The following SCRN1 variants were observed in gnomAD, a reference collection of about 807,000 sequenced individuals.
SCRN1 encodes secernin-1.
Under a neutral mutation model 43.3 loss-of-function variants are expected in SCRN1, and 19 were observed. The ratio of observed to expected loss-of-function variants is 0.44; its 90% confidence interval spans 0.31 to 0.64. SCRN1 has a LOEUF of 0.64. Ranked by LOEUF, SCRN1 falls within the 30% of genes least tolerant of loss-of-function variation. The pLI, the probability that SCRN1 is intolerant of heterozygous loss-of-function variation, is 0.09. For synonymous variants in SCRN1, 183 were observed against 188.9 expected (o/e 0.97, Z 0.26); for missense variants, 447 against 524.1 (o/e 0.85, Z 1.44).
intron 1 of SCRN1, among the ~76,000 whole-genome samples, chr7:29,971,832 A>T (rs549567988): frequency 6.6e-6 from 1 of 152,154 alleles, no homozygotes; most frequent in East Asian, 1.9e-4. Flanking sequence ...TATCCAATCT[A>T]CTTCAGGTTA....
rs1787522342 is a variant in SCRN1 at position 29,940,889 on chromosome 7, C to G, written c.545-13G>C. On this transcript the variant is annotated splice_polypyrimidine_tract_variant and intron_variant, in intron 4 of 7. Transcript: ENST00000242059. ...CACCTCACTCCCTCTGCAGAGAGTG[C>G]AAAGCCCCATAAGTTAAAAATATAC... The G allele has an allele frequency of 6.7e-7, 1 of 1,485,420 alleles. No homozygotes were observed. The highest frequency in any genetic ancestry group is 1.4e-5 in the South Asian group (1 of 70,830). 92.0% of individuals were successfully genotyped at this position (1,485,420 alleles called of 1,614,324 possible).
chr7:29,981,792 C>A (rs778659098), intron 1 of SCRN1, among the ~76,000 whole-genome samples: 10 of 152,168 alleles, frequency 6.6e-5, no homozygotes, highest in Non-Finnish European at 1.5e-4. Flanking sequence ...AAGAACCTCA[C>A]CTATCACAAA....
intron 3 of SCRN1, among the ~76,000 whole-genome samples, chr7:29,951,583 A>C (rs1787924132): frequency 6.6e-6 from 1 of 152,184 alleles, no homozygotes; most frequent in South Asian, 2.1e-4. Flanking sequence ...GCTACTCATT[A>C]CTTGGAACCA....
intron 4 of SCRN1, among the ~76,000 whole-genome samples, chr7:29,943,047 T>C (rs144392034): frequency 1.3e-5 from 2 of 152,302 alleles, no homozygotes; most frequent in African/African-American, 2.4e-5. Context: ...ACAAGTTTCA[T>C]CCCCAACATC....
intron 1 of SCRN1, among the ~76,000 whole-genome samples, chr7:29,974,545 C>T (rs1233113002): frequency 1.3e-5 from 2 of 152,126 alleles, no homozygotes; most frequent in Non-Finnish European, 2.9e-5. Context: ...ACTCAATTCT[C>T]TTCCTATTAT....
At chr7:29,968,521 G>T (rs1265962407) in intron 2 of SCRN1, among the ~76,000 whole-genome samples, 1 of 152,170 alleles carries the variant, frequency 6.6e-6, no homozygotes, top group Non-Finnish European at 1.5e-5. Flanking sequence ...TGTGTGATTT[G>T]TTACATATAT....
At chr7:29,987,577 G>T (rs902384122) in intron 1 of SCRN1, among the ~76,000 whole-genome samples, 13 of 152,154 alleles carry the variant, frequency 8.5e-5, no homozygotes, top group Admixed American at 2.0e-4. Flanking sequence ...TGGAAAATGT[G>T]AACATGAGGT....
intron 1 of SCRN1, among the ~76,000 whole-genome samples, chr7:29,981,853 G>A (rs941174458): frequency 6.6e-6 from 1 of 152,154 alleles, no homozygotes; most frequent in Non-Finnish European, 1.5e-5. Flanking sequence ...CCACCTATGA[G>A]AGCCTGATAA....
chr7:29,970,002 T>A (rs375362651), intron 1 of SCRN1: 1 of 403,184 alleles, frequency 2.5e-6, no homozygotes, highest in South Asian at 1.8e-5. Flanking sequence ...CCTCTCCACC[T>A]CCACTGCCAC....
intron 1 of SCRN1, among the ~76,000 whole-genome samples, chr7:29,973,664 G>C (rs79401114): frequency 0.05 from 7,608 of 152,286 alleles, 360 homozygotes; most frequent in African/African-American, 0.12. Flanking sequence ...TTTTAAGTCA[G>C]GTTTTAGGTT....
chr7:29,940,949 G>A (rs1314044035), intron 4 of SCRN1, 73 bp from the exon 5 acceptor site: 1 of 1,268,684 alleles, frequency 7.9e-7, no homozygotes, highest in Non-Finnish European at 1.0e-6. Context: ...GAAATGTATA[G>A]GGAATCCTTT....
Position 29,944,079 on chromosome 7 carries a change from T to A in SCRN1, c.442A>T (p.Asn148Tyr). 6.2e-7 allele frequency: 1 copy of A among 1,614,180 alleles called. No individual in the cohort carries two copies. The highest frequency in any genetic ancestry group is 1.1e-5 in the South Asian group (1 of 91,082). Reference sequence around the variant, plus strand: ...GCACTTTGGAAGCTGTGGCAGGAGTTTGCATCTTCAAAGTAATTCCCACCT... The same window carrying A: ...GCACTTTGGAAGCTGTGGCAGGAGTATGCATCTTCAAAGTAATTCCCACCT... ...GQGGNYFEDA[N>Y]SCHSFQSAYL... is the part of the protein sequence containing the mutation. Residue 148 changes from asparagine to tyrosine, a missense_variant, in exon 4 of 8, where the codon AAC (asparagine) becomes TAC (tyrosine). Physicochemically the swap from Asn to Tyr is moderately radical, Grantham distance 143. Transcript: ENST00000242059.
rs1333832179 is a variant in SCRN1, at chr7:29,965,182, C to A, written c.159+3727G>T. 6.6e-6 allele frequency among the ~76,000 whole-genome samples: 1 copy of A among 152,008 alleles called. No homozygotes were observed. Among genetic ancestry groups the A allele is most frequent in the African/African-American group, 2.4e-5 (1 of 41,372 alleles). On this transcript the variant is annotated intron_variant, in intron 2 of 7. Transcript: ENST00000242059. The surrounding 1 kb of genome is among the most constrained non-coding windows in gnomAD (Gnocchi z 4.2). ...GAGAATAAAAGAAAGGAAAAGTGAG[C>A]AGGGTGCCAGTTGGGAAGAGTTCTG...
chr7:29,986,890 AATTTTTTGTATTTTTAGTAG>A (rs1213927834), intron 1 of SCRN1, among the ~76,000 whole-genome samples: 1 of 151,180 alleles, frequency 6.6e-6, no homozygotes, highest in Non-Finnish European at 1.5e-5. Context: ...ATGCCCGGCT[AATTTTTTGTATTTTTAGTAG>A]AGACGGGGTT....
intron 3 of SCRN1, among the ~76,000 whole-genome samples, chr7:29,945,567 T>C (rs1787710172): frequency 6.6e-6 from 1 of 152,196 alleles, no homozygotes; most frequent in Non-Finnish European, 1.5e-5. Context: ...CATGAAAATA[T>C]GCAGTGCTAG....
Position 29,936,243 on chromosome 7 carries a change from T to C in SCRN1, c.905+313A>G, listed in dbSNP as rs556696193. On this transcript the variant is annotated intron_variant, in intron 6 of 7. Transcript: ENST00000242059. ...GTACCACACAATGCTTGGCCCATGA[T>C]ATATACTGAGTAAATATTTGGTATT... Among the ~76,000 whole-genome samples, 6 of 152,352 alleles carry C rather than the reference T, an allele frequency of 3.9e-5. No individual in the cohort carries two copies. In the South Asian group the frequency reaches 1.0e-3, roughly 26 times the overall value.
chr7:29,937,822 G>A (rs150802651), intron 5 of SCRN1, among the ~76,000 whole-genome samples: 7 of 152,320 alleles, frequency 4.6e-5, no homozygotes, highest in African/African-American at 1.4e-4. Flanking sequence ...TGATGGAATT[G>A]AAGCATCACA....
At chr7:29,936,805 G>A (rs2128088624) in intron 5 of SCRN1, 84 bp from the exon 6 acceptor site, 1 of 1,143,678 alleles carries the variant, frequency 8.7e-7, no homozygotes, top group Non-Finnish European at 1.2e-6. Context: ...CCAGCACTTT[G>A]GGAGGCCGAG....
rs924026888 is a variant in SCRN1 at position 29,937,058 on chromosome 7, A to C, written c.740-337T>G. ...GAGACTCTGTCTCAAAAAAACAAACAAACAAAAAAGAGTAGCTATAACACA... is the reference window on the plus strand; with the variant it reads ...GAGACTCTGTCTCAAAAAAACAAACCAACAAAAAAGAGTAGCTATAACACA... On this transcript the variant is annotated intron_variant, in intron 5 of 7. Coordinates refer to ENST00000242059, the MANE Select transcript of SCRN1 (RefSeq NM_014766.5). Among the ~76,000 whole-genome samples, 10 of 152,120 alleles carry C rather than the reference A, an allele frequency of 6.6e-5. 1 individual carries two copies. The highest frequency in any genetic ancestry group is 2.4e-4 in the African/African-American group (10 of 41,422).
Sources: gnomAD v4.1 joint callset for allele counts (sites outside exome capture counted in the v4.1 genomes callset) on GRCh38, gnomAD v4.1.1 for gene constraint, Gnocchi (gnomAD v3.1) non-coding constraint, MANE v1.5 for transcripts, NCBI Gene and HGNC (gene_info 2026-07-23, HGNC 2026-07-21) for gene names.